The following DGKB variants were observed in gnomAD, a reference collection of about 807,000 sequenced individuals.
DGKB encodes diacylglycerol kinase beta.
In DGKB, 67 loss-of-function variants were observed where a neutral mutation model predicts 114.3. That is an observed-to-expected ratio of 0.59 (90% confidence interval 0.48 to 0.72). The LOEUF is 0.72. Ranked by LOEUF, DGKB falls within the 30% of genes least tolerant of loss-of-function variation. The pLI is 0.00. For synonymous variants in DGKB, 398 were observed against 323.1 expected (o/e 1.23, Z -2.49); for missense variants, 907 against 975.2 (o/e 0.93, Z 0.93).
At chr7:14,297,116 C>T (rs1231619742) in intron 23 of DGKB, among the ~76,000 whole-genome samples, 2 of 152,132 alleles carry the variant, frequency 1.3e-5, no homozygotes, top group Non-Finnish European at 2.9e-5. Context: ...CAGCTGAATT[C>T]TACCAGAGGT....
intron 21 of DGKB, among the ~76,000 whole-genome samples, chr7:14,382,379 GTT>G (rs34862681): frequency 0.48 from 70,925 of 147,124 alleles, 17,776 homozygotes; most frequent in East Asian, 0.58. Context: ...CAAATACATA[GTT>G]TTTTTTTTTT....
intron 1 of DGKB, among the ~76,000 whole-genome samples, chr7:14,930,754 T>C (rs141364424): frequency 2.0e-5 from 3 of 152,124 alleles, no homozygotes; most frequent in Non-Finnish European, 4.4e-5. Context: ...TAAATAGGAG[T>C]GGTGAGAATG....
At chr7:14,350,637 T>A (rs1184761226) in intron 21 of DGKB, among the ~76,000 whole-genome samples, 1 of 151,640 alleles carries the variant, frequency 6.6e-6, no homozygotes, top group Non-Finnish European at 1.5e-5. Context: ...TTATTATTTT[T>A]CATGTATTTA....
At chr7:14,197,364 A>G (rs192770849) in intron 23 of DGKB, among the ~76,000 whole-genome samples, 13 of 152,182 alleles carry the variant, frequency 8.5e-5, no homozygotes, top group Admixed American at 4.6e-4. Context: ...AAGCAGTTCT[A>G]TGAAAGAAGA....
At chr7:14,928,108 A>G (rs1303795239) in intron 1 of DGKB, among the ~76,000 whole-genome samples, 1 of 151,982 alleles carries the variant, frequency 6.6e-6, no homozygotes, top group African/African-American at 2.4e-5. Context: ...AACAAAATAC[A>G]TTTAAAATTC....
chr7:14,172,616 G>C (rs910697451), intron 25 of DGKB, among the ~76,000 whole-genome samples: 5 of 152,082 alleles, frequency 3.3e-5, no homozygotes, highest in Non-Finnish European at 7.4e-5. Context: ...CGCAGATCTA[G>C]GATGTGAGAA....
intron 1 of DGKB, among the ~76,000 whole-genome samples, chr7:14,889,600 T>A (rs1278102331): frequency 2.6e-5 from 4 of 151,404 alleles, no homozygotes; most frequent in Non-Finnish European, 5.9e-5. Flanking sequence ...TAGCAAAGAA[T>A]AAATAATCCT....
At chr7:14,923,887 T>C (rs1311063233) in intron 1 of DGKB, among the ~76,000 whole-genome samples, 1 of 147,108 alleles carries the variant, frequency 6.8e-6, no homozygotes, top group Non-Finnish European at 1.5e-5. Context: ...CCCAGCTACT[T>C]GGGAGGCTGA....
intron 13 of DGKB, among the ~76,000 whole-genome samples, chr7:14,644,889 C>T (rs975453620): frequency 7.9e-5 from 12 of 152,120 alleles, no homozygotes; most frequent in African/African-American, 1.2e-4. Context: ...AAGGTCCTAT[C>T]GATGGCGACA....
At chr7:14,230,774 T>C (rs1007169560) in intron 23 of DGKB, among the ~76,000 whole-genome samples, 2 of 152,068 alleles carry the variant, frequency 1.3e-5, no homozygotes, top group Admixed American at 6.6e-5. Context: ...AACCATTCTC[T>C]ATTCAGAGTA....
At chr7:14,257,752 G>A (rs143572416) in intron 23 of DGKB, among the ~76,000 whole-genome samples, 123 of 152,240 alleles carry the variant, frequency 8.1e-4, no homozygotes, top group African/African-American at 2.8e-3. Flanking sequence ...TTGAGATGGA[G>A]TTTGGCTCTT....
intron 21 of DGKB, among the ~76,000 whole-genome samples, chr7:14,351,014 G>C (rs1408302021): frequency 6.6e-6 from 1 of 151,938 alleles, no homozygotes; most frequent in Non-Finnish European, 1.5e-5. Flanking sequence ...TTTTAACTAT[G>C]TTATTCAGTA....
intron 21 of DGKB, among the ~76,000 whole-genome samples, chr7:14,389,050 A>AT (rs147819309): frequency 0.035 from 5,332 of 152,146 alleles, 119 homozygotes; most frequent in Non-Finnish European, 0.046. Flanking sequence ...ATTACAAATC[A>AT]TTTTTTTGCT....
At chr7:14,557,918 T>G (rs1796104095) in intron 20 of DGKB, among the ~76,000 whole-genome samples, 1 of 151,676 alleles carries the variant, frequency 6.6e-6, no homozygotes. Context: ...GGTTGATTAT[T>G]TTATCTCATT....
chr7:14,775,477 C>T (rs1838019397), intron 2 of DGKB, among the ~76,000 whole-genome samples: 1 of 148,834 alleles, frequency 6.7e-6, no homozygotes, highest in African/African-American at 2.5e-5. Context: ...AAGGCCAAAA[C>T]TGCAATTACT....
intron 20 of DGKB, among the ~76,000 whole-genome samples, chr7:14,492,736 T>C (rs1373826419): frequency 1.3e-5 from 2 of 152,054 alleles, no homozygotes; most frequent in Non-Finnish European, 2.9e-5. Flanking sequence ...AAAGACATGG[T>C]TCACCTCAAA....
chr7:14,872,452 G>T (rs1199300670), intron 1 of DGKB, among the ~76,000 whole-genome samples: 1 of 152,164 alleles, frequency 6.6e-6, no homozygotes, highest in Non-Finnish European at 1.5e-5. Flanking sequence ...TAGAATTGCA[G>T]AATTTACAGA....
At chr7:14,444,456 C>A (rs1407759129) in intron 21 of DGKB, among the ~76,000 whole-genome samples, 1 of 151,682 alleles carries the variant, frequency 6.6e-6, no homozygotes, top group African/African-American at 2.4e-5. Context: ...AGTGTACAGA[C>A]TTTTCAGGTG....
intron 23 of DGKB, among the ~76,000 whole-genome samples, chr7:14,189,921 G>C (rs1305044515): frequency 6.6e-6 from 1 of 152,098 alleles, no homozygotes; most frequent in African/African-American, 2.4e-5. Flanking sequence ...ACCGTTATTA[G>C]ATCTAAAGGG....
Sources: gnomAD v4.1 joint callset for allele counts (sites outside exome capture counted in the v4.1 genomes callset) on GRCh38, gnomAD v4.1.1 for gene constraint, MANE v1.5 for transcripts, NCBI Gene and HGNC (gene_info 2026-07-23, HGNC 2026-07-21) for gene names.